The following STK31 variants were observed in gnomAD, a reference collection of about 807,000 sequenced individuals.
STK31 encodes serine/threonine-protein kinase 31.
Under a neutral mutation model 129.7 loss-of-function variants are expected in STK31, and 89 were observed. That is an observed-to-expected ratio of 0.69 (90% confidence interval 0.58 to 0.82). STK31 has a LOEUF of 0.82. Ranked by LOEUF, STK31 falls within the 40% of genes least tolerant of loss-of-function variation. The pLI is 0.00. For synonymous variants in STK31, 448 were observed against 395.3 expected (o/e 1.13, Z -1.58); for missense variants, 1,187 against 1,176.4 (o/e 1.01, Z -0.13).
At chr7:23,829,048 C>T (rs1174436351) in intron 23 of STK31, among the ~76,000 whole-genome samples, 4 of 151,850 alleles carry the variant, frequency 2.6e-5, no homozygotes, top group Non-Finnish European at 5.9e-5. Flanking sequence ...TTACAGGCGC[C>T]CGCCATGATG....
At chr7:23,777,377 T>G (rs1026618461) in intron 15 of STK31, among the ~76,000 whole-genome samples, 1 of 152,164 alleles carries the variant, frequency 6.6e-6, no homozygotes, top group Non-Finnish European at 1.5e-5. Context: ...CTGAATATCC[T>G]TGTTAATTTT....
intron 8 of STK31, among the ~76,000 whole-genome samples, chr7:23,737,423 A>G (rs888492284): frequency 1.3e-5 from 2 of 152,226 alleles, no homozygotes; most frequent in African/African-American, 2.4e-5. Flanking sequence ...CACATGGCCA[A>G]TCTTTTTAAA....
At chr7:23,743,347 C>T (rs918577977) in intron 8 of STK31, among the ~76,000 whole-genome samples, 1 of 152,184 alleles carries the variant, frequency 6.6e-6, no homozygotes, top group African/African-American at 2.4e-5. Flanking sequence ...CTGATGAATT[C>T]CCTCAGCTTT....
chr7:23,779,850 C>T (rs1790803377), intron 15 of STK31, among the ~76,000 whole-genome samples: 1 of 152,200 alleles, frequency 6.6e-6, no homozygotes, highest in African/African-American at 2.4e-5. Flanking sequence ...GTCAACGGTT[C>T]TGTCTTGCTG....
chr7:23,743,109 T>C (rs1788152353), intron 8 of STK31, among the ~76,000 whole-genome samples: 1 of 147,840 alleles, frequency 6.8e-6, no homozygotes, highest in Admixed American at 6.8e-5. Context: ...CCTGCCACCA[T>C]GCCCAGTTAA....
At chr7:23,770,085 T>G (rs184844941) in intron 13 of STK31, among the ~76,000 whole-genome samples, 1 of 152,214 alleles carries the variant, frequency 6.6e-6, no homozygotes, top group Non-Finnish European at 1.5e-5. Flanking sequence ...CAAATGACTA[T>G]AAGAAGAGAC....
chr7:23,722,123 G>A (rs1169181482), intron 4 of STK31: 1 of 153,132 alleles, frequency 6.5e-6, no homozygotes, highest in Non-Finnish European at 1.5e-5. Flanking sequence ...CGTTGCTGGC[G>A]AGGAGCTGCG....
chr7:23,764,508 C>T lies in STK31; in HGVS notation c.1416+1585C>T, dbSNP rs1037082838. Among the ~76,000 whole-genome samples the T allele has an allele frequency of 3.3e-5, 5 of 152,086 alleles. 1 individual carries two copies. Among genetic ancestry groups the T allele is most frequent in the African/African-American group, 1.2e-4 (5 of 41,430 alleles). ...AATGAAAGTTCTTGATTTCTGATTT[C>T]CTCAGCATTTTATTTAGACTTCTTT... On this transcript the variant is annotated intron_variant, in intron 11 of 23. Transcript: ENST00000355870.
At chr7:23,832,084 A>T in intron 23 of STK31, 52 bp from the exon 24 acceptor site, 1 of 1,328,606 alleles carries the variant, frequency 7.5e-7, no homozygotes, top group South Asian at 1.2e-5. Context: ...CTTCTTCATT[A>T]CAGATTTGTC....
At chr7:23,732,467 C>T (rs973417452) in intron 6 of STK31, among the ~76,000 whole-genome samples, 1 of 152,072 alleles carries the variant, frequency 6.6e-6, no homozygotes, top group Admixed American at 6.6e-5. Context: ...ATCATATACT[C>T]TGTCATTCTT....
At chr7:23,737,964 C>G (rs1432946109) in intron 8 of STK31, among the ~76,000 whole-genome samples, 1 of 151,960 alleles carries the variant, frequency 6.6e-6, no homozygotes, top group Admixed American at 6.6e-5. Context: ...AACTGGGTGT[C>G]TAATAATTCA....
rs568055969 is a variant in STK31 at position 23,815,638 on chromosome 7, T to A, written c.2829+426T>A. On this transcript the variant is annotated intron_variant, in intron 23 of 23. Coordinates refer to ENST00000355870, the MANE Select transcript of STK31 (RefSeq NM_031414.5). ...ATTACAAGGATTGTGGCATTGAGAA[T>A]GAAATGAATAATTTAGAAATGTGAA... Among the ~76,000 whole-genome samples the A allele has an allele frequency of 7.9e-4, 120 of 152,248 alleles. 1 individual carries two copies. The highest frequency in any genetic ancestry group is 1.6e-3 in the Non-Finnish European group (108 of 67,966).
chr7:23,710,638 A>G (rs1785892794), intron 1 of STK31: 2 of 1,222,624 alleles, frequency 1.6e-6, no homozygotes, highest in Admixed American at 3.5e-5. Context: ...AAAATCCCTT[A>G]TAAAATAAGT....
chr7:23,782,471 C>CAAAAAAAAAAAAAAAAAA (rs66962254), intron 16 of STK31, among the ~76,000 whole-genome samples: 1 of 84,532 alleles, frequency 1.2e-5, no homozygotes, highest in African/African-American at 4.4e-5. Flanking sequence ...GACCCTGTCT[C>CAAAAAAAAAAAAAAAAAA]AAAAAAAAAA....
At position 23,794,356 on chromosome 7, in the gene STK31, C is replaced by A. The variant is rs140167888; in HGVS notation, c.2760+3410C>A. Among the ~76,000 whole-genome samples the A allele has an allele frequency of 7.4e-3, 1,130 of 152,330 alleles. 50 individuals carry two copies. Among genetic ancestry groups the A allele is most frequent in the Admixed American group, 0.068 (1,047 of 15,300 alleles). On this transcript the variant is annotated intron_variant, in intron 22 of 23. Transcript: ENST00000355870. Reference sequence around the variant, plus strand: ...AAGAAGAATGTGTTTACTTCCCCTTCTGCCATGATTGTAAGTTTCCTGAGG... The same window carrying A: ...AAGAAGAATGTGTTTACTTCCCCTTATGCCATGATTGTAAGTTTCCTGAGG...
At chr7:23,816,217 A>C (rs1793464696) in intron 23 of STK31, among the ~76,000 whole-genome samples, 1 of 152,182 alleles carries the variant, frequency 6.6e-6, no homozygotes, top group Non-Finnish European at 1.5e-5. Context: ...GGGGATAACA[A>C]AGAAGGTTGA....
chr7:23,727,388 T>G, intron 5 of STK31, 73 bp downstream of exon 5: 3 of 1,357,022 alleles, frequency 2.2e-6, no homozygotes, highest in Non-Finnish European at 3.1e-6. Flanking sequence ...TGATGCTTAT[T>G]TAGCCCTTCA....
At chr7:23,810,949 A>T (rs1793095509) in intron 22 of STK31, among the ~76,000 whole-genome samples, 1 of 147,024 alleles carries the variant, frequency 6.8e-6, no homozygotes. Context: ...ATACACACAC[A>T]CACACACACA....
Position 23,787,974 on chromosome 7 carries a change from C to G in STK31, c.2488-6C>G. Reference sequence around the variant, plus strand: ...CCTCACTTCTTTTATGTGTACTTATCTATAGGAAACTTTAAAGGTCATGAA... The same window carrying G: ...CCTCACTTCTTTTATGTGTACTTATGTATAGGAAACTTTAAAGGTCATGAA... On this transcript the variant is annotated splice_region_variant and splice_polypyrimidine_tract_variant and intron_variant, in intron 20 of 23. Transcript: ENST00000355870. 2 of 1,538,906 alleles carry G rather than the reference C, an allele frequency of 1.3e-6. No individual in the cohort carries two copies. The highest frequency in any genetic ancestry group is 1.7e-6 in the Non-Finnish European group (2 of 1,145,874).
Sources: gnomAD v4.1 joint callset for allele counts (sites outside exome capture counted in the v4.1 genomes callset) on GRCh38, gnomAD v4.1.1 for gene constraint, MANE v1.5 for transcripts, NCBI Gene and HGNC (gene_info 2026-07-23, HGNC 2026-07-21) for gene names.